The following UCN3 variants were observed in gnomAD, a reference collection of about 807,000 sequenced individuals.
UCN3 encodes urocortin 3.
Under a neutral mutation model 3.6 loss-of-function variants are expected in UCN3, and 3 were observed. The observed-to-expected ratio is 0.83, with a 90% CI of 0.38 to 2.15. The LOEUF (loss-of-function observed/expected upper bound fraction) is 2.15, where lower values mean the gene tolerates loss of function less well. UCN3 is among the 30% of genes most tolerant of loss of function. The pLI is 0.06. For synonymous variants in UCN3, 100 were observed against 93.2 expected, an observed-to-expected ratio of 1.07 and a Z score of -0.42; for missense variants, 206 against 208.3, an observed-to-expected ratio of 0.99 and a Z score of 0.07.
At chr10:5,370,528 TGTGTGTATATGC>T (rs1200756758) in intron 1 of UCN3, among the ~76,000 whole-genome samples, 4 of 78,410 alleles carry the variant, frequency 5.1e-5, no homozygotes, top group East Asian at 4.8e-4. Context: ...TGTGTATGTG[TGTGTGTATATGC>T]GTGTATATGT....
intron 1 of UCN3, among the ~76,000 whole-genome samples, chr10:5,372,231 T>A (rs1831440168): frequency 1.1e-4 from 16 of 152,210 alleles, no homozygotes; most frequent in African/African-American, 3.9e-4. Context: ...ATGGTGGGTT[T>A]GATCTCAGGG....
chr10:5,370,779 G>A (rs1354913302), intron 1 of UCN3, among the ~76,000 whole-genome samples: 1 of 105,084 alleles, frequency 9.5e-6, no homozygotes. Context: ...GTGTATATGC[G>A]TGTGTGTGTG....
Position 5,374,230 on chromosome 10 carries a change from A to G in UCN3, c.*24A>G, listed in dbSNP as rs782264196. 8.7e-6 allele frequency: 7 copies of G among 804,998 alleles called. No individual in the cohort carries two copies. Among genetic ancestry groups the G allele is most frequent in the Non-Finnish European group, 1.0e-5 (7 of 673,344 alleles). 49.9% of individuals were successfully genotyped at this position (804,998 alleles called of 1,614,324 possible). A position where few individuals can be genotyped will look rare whatever the true frequency, so the allele number is the denominator to read the frequency against. Reference sequence around the variant, plus strand: ...AGAGGCGGAGGCTGGACGGGAGGGCAGCGGGGTGGGGAGGGGGAGGGGAGG... The same window carrying G: ...AGAGGCGGAGGCTGGACGGGAGGGCGGCGGGGTGGGGAGGGGGAGGGGAGG... On this transcript the variant is annotated 3_prime_UTR_variant, in exon 2 of 2. Coordinates refer to ENST00000380433, the MANE Select transcript of UCN3 (RefSeq NM_053049.4).
chr10:5,368,552 G>C (rs942793015), intron 1 of UCN3, among the ~76,000 whole-genome samples: 1 of 152,004 alleles, frequency 6.6e-6, no homozygotes, highest in Non-Finnish European at 1.5e-5. Context: ...GTCTGGTAGT[G>C]AAAGGAAAAA....
Position 5,369,987 on chromosome 10 carries a change from ATGTGTGTATGTGTGTGTGTATG to A in UCN3, c.-6-3718_-6-3697del, listed in dbSNP as rs1220454592. ...TATGCGTGTGTATATGCGTGTGTAT[ATGTGTGTATGTGTGTGTGTATG>A]TGTGTGTATATGTGTGTGTATATGC... On this transcript the variant is annotated intron_variant, in intron 1 of 1. Transcript: ENST00000380433. Among the ~76,000 whole-genome samples the A allele has an allele frequency of 1.2e-3, 20 of 17,324 alleles. 1 individual carries two copies. The highest frequency in any genetic ancestry group is 2.0e-3 in the Non-Finnish European group (18 of 9,058). 11.4% of individuals were successfully genotyped at this position (17,324 alleles called of 152,430 possible).
At chr10:5,369,323 TCTC>T (rs1373572258) in intron 1 of UCN3, among the ~76,000 whole-genome samples, 1 of 152,328 alleles carries the variant, frequency 6.6e-6, no homozygotes, top group Admixed American at 6.5e-5. Context: ...GACCAGATCT[TCTC>T]CTAAGAAGAC....
intron 1 of UCN3, among the ~76,000 whole-genome samples, chr10:5,372,419 T>C (rs1554811632): frequency 6.6e-6 from 1 of 152,252 alleles, no homozygotes; most frequent in Non-Finnish European, 1.5e-5. Context: ...TTTGATGTCT[T>C]GTTTGACACT....
At chr10:5,370,337 A>G (rs111207946) in intron 1 of UCN3, among the ~76,000 whole-genome samples, 2 of 47,810 alleles carry the variant, frequency 4.2e-5, no homozygotes, top group South Asian at 1.1e-3. Context: ...ATGCGTGTGT[A>G]TATGCGTGTG....
chr10:5,373,615 T>G, intron 1 of UCN3, 100 bp from the exon 2 acceptor site: 1 of 1,511,032 alleles, frequency 6.6e-7, no homozygotes, highest in Non-Finnish European at 8.8e-7. Context: ...AGAACCCTTG[T>G]AGTGGAACAT....
At chr10:5,373,356 T>C (rs1831455599) in intron 1 of UCN3, among the ~76,000 whole-genome samples, 1 of 152,148 alleles carries the variant, frequency 6.6e-6, no homozygotes, top group African/African-American at 2.4e-5. Context: ...CTTAGTATAT[T>C]AGTTATTCGC....
intron 1 of UCN3, among the ~76,000 whole-genome samples, chr10:5,371,503 A>G (rs919182747): frequency 2.0e-5 from 3 of 152,074 alleles, no homozygotes; most frequent in Non-Finnish European, 4.4e-5. Context: ...TCCTTTAGAA[A>G]GAGACCCAGG....
At chr10:5,370,344 T>TGTGTATATGC (rs1831357034) in intron 1 of UCN3, among the ~76,000 whole-genome samples, 1 of 54,514 alleles carries the variant, frequency 1.8e-5, no homozygotes, top group African/African-American at 9.4e-5. Context: ...TGTATATGCG[T>TGTGTATATGC]GTGTATATGT....
At position 5,370,836 on chromosome 10, in the gene UCN3, TGCGCGTGTGTGTGC is replaced by T. The variant is rs1432098896; in HGVS notation, c.-6-2875_-6-2862del. On this transcript the variant is annotated intron_variant, in intron 1 of 1. Transcript: ENST00000380433. ...GTGCGTGTGTGTGCGCGCGTGTGTG[TGCGCGTGTGTGTGC>T]GCGTGTGTGTGCGTGTGTATGTGTG... Among the ~76,000 whole-genome samples the T allele has an allele frequency of 2.8e-3, 287 of 103,924 alleles. 24 individuals are homozygous for T. Among genetic ancestry groups the T allele is most frequent in the African/African-American group, 7.2e-3 (182 of 25,376 alleles). The allele number at this position is 103,924 out of a possible 152,430, so 68.2% of individuals were successfully genotyped here.
At chr10:5,370,738 GTGTGTGTATATGA>G (rs1213527197) in intron 1 of UCN3, among the ~76,000 whole-genome samples, 10 of 114,232 alleles carry the variant, frequency 8.8e-5, no homozygotes, top group South Asian at 3.4e-4. Context: ...GTGTGTATAT[GTGTGTGTATATGA>G]TGTGTGTGTA....
rs1554811150 is a variant in UCN3, at chr10:5,370,223, G to GCGTGTGTATA, written c.-6-3492_-6-3491insCGTGTGTATA. Among the ~76,000 whole-genome samples, 3 of 13,762 alleles carry GCGTGTGTATA rather than the reference G, an allele frequency of 2.2e-4. 1 individual carries two copies. The highest frequency in any genetic ancestry group is 1.1e-4 in the Non-Finnish European group (1 of 9,042). The allele number at this position is 13,762 out of a possible 152,430, so 9.0% of individuals were successfully genotyped here. On this transcript the variant is annotated intron_variant, in intron 1 of 1. Transcript: ENST00000380433. ...TATATGCGTGTGTATGTGTGTGTAT[G>GCGTGTGTATA]TGCGTGTGTGTATGCGTGTGTGTAT...
At chr10:5,370,893 A>ATGCGTGTGTATG (rs1831410638) in intron 1 of UCN3, among the ~76,000 whole-genome samples, 1 of 124,474 alleles carries the variant, frequency 8.0e-6, no homozygotes, top group Non-Finnish European at 1.6e-5. Flanking sequence ...GCGTGTGTAT[A>ATGCGTGTGTATG]TGCGTGTGTA....
rs374554339 is a variant in UCN3, at chr10:5,373,893, G to A, written c.173G>A (p.Ser58Asn). The A allele has an allele frequency of 5.8e-5, 94 of 1,613,864 alleles. No homozygotes were observed. Among genetic ancestry groups the A allele is most frequent in the Non-Finnish European group, 7.7e-5 (91 of 1,179,938 alleles). ...GATGCATCCCTGCTGAGCAAGAGGAGCTTCCACTACCTGCGCAGCAGAGAC... is the reference window on the plus strand; with the variant it reads ...GATGCATCCCTGCTGAGCAAGAGGAACTTCCACTACCTGCGCAGCAGAGAC... ...WEDASLLSKR[S>N]FHYLRSRDAS... The change falls in exon 2 of 2, where the codon AGC becomes AAC. Residue 58 changes from serine to asparagine, a missense_variant. Physicochemically the swap from Ser to Asn is conservative, Grantham distance 46. Transcript: ENST00000380433.
At position 5,370,920 on chromosome 10, in the gene UCN3, C is replaced by CGTGTGTATATGTGTTTATGT. The variant is rs1831412768; in HGVS notation, c.-6-2781_-6-2780insTTATGTGTGTGTATATGTGT. Among the ~76,000 whole-genome samples, 4 of 109,846 alleles carry CGTGTGTATATGTGTTTATGT rather than the reference C, an allele frequency of 3.6e-5. 1 individual carries two copies. Among genetic ancestry groups the CGTGTGTATATGTGTTTATGT allele is most frequent in the Admixed American group, 2.9e-4 (3 of 10,334 alleles). 72.1% of individuals were successfully genotyped at this position (109,846 alleles called of 152,430 possible). On this transcript the variant is annotated intron_variant, in intron 1 of 1. Coordinates refer to ENST00000380433, the MANE Select transcript of UCN3 (RefSeq NM_053049.4). ...GCGTGTGTATATGCGTGTGTATATG[C>CGTGTGTATATGTGTTTATGT]GTGTGTATATGTGTGTTCATGTGTA...
chr10:5,368,596 G>C (rs1831287155), intron 1 of UCN3, among the ~76,000 whole-genome samples: 1 of 152,132 alleles, frequency 6.6e-6, no homozygotes, highest in Admixed American at 6.5e-5. Context: ...GAGAGACAAA[G>C]TTTCTCCACC....
Sources: gnomAD v4.1 joint callset for allele counts (sites outside exome capture counted in the v4.1 genomes callset) on GRCh38, gnomAD v4.1.1 for gene constraint, MANE v1.5 for transcripts, NCBI Gene and HGNC (gene_info 2026-07-23, HGNC 2026-07-21) for gene names.